MADD: variants seen among roughly 807,000 people sequenced by gnomAD.
MADD encodes the protein MAP kinase activating death domain.
A neutral mutation model predicts 176.7 loss-of-function variants in MADD; 109 were observed. The observed-to-expected ratio is 0.62, with a 90% CI of 0.53 to 0.72. MADD has a LOEUF of 0.72. MADD is among the 30% of genes least tolerant of loss of function. The pLI is 0.00. For missense variants in MADD, 1,914 were observed against 2,045.5 expected, an observed-to-expected ratio of 0.94 and a Z score of 1.24; for synonymous variants, 771 against 771.3, an observed-to-expected ratio of 1.00 and a Z score of 0.01.
chr11:47,285,537 C>T, exon 14 of MADD: 1 of 1,614,196 alleles, frequency 6.2e-7, no homozygotes, highest in Non-Finnish European at 8.5e-7. Flanking sequence ...TCTCCCAACT[C>T]CACCGTCTCC....
In MADD at chr11:47,324,573, A is replaced by G. The variant is rs556296118; in HGVS notation, c.4538A>G (p.Asn1513Ser). 1.4e-5 allele frequency: 22 copies of G among 1,610,258 alleles called. No homozygotes were observed. In the East Asian group the frequency reaches 2.2e-4, roughly 16 times the overall value. The change falls in exon 30 of 33, where the codon AAT becomes AGT. Residue 1513 changes from asparagine (N) to serine (S), a missense_variant. Asn to Ser is a conservative substitution (Grantham distance 46). Around this residue, in one of 2 missense-constraint regions of MADD, gnomAD observed 147 missense variants for 209.5 expected, o/e 0.70. Coordinates refer to ENST00000402192, the Ensembl canonical transcript of MADD. ...GGGATCAACCTCAAATTCATGCACA[A>G]TCAGGTAGGTGCGAGCGGCAGCACG...
In MADD at chr11:47,274,419, A is replaced by T. The variant is rs1018684924; in HGVS notation, c.63-144A>T. 2.0e-4 allele frequency: 140 copies of T among 713,952 alleles called. No individual in the cohort carries two copies. The East Asian group carries it at 3.4e-3, about 17-fold the overall frequency. The allele number at this position is 713,952 out of a possible 1,614,324, so 44.2% of individuals were successfully genotyped here. On this transcript the variant is annotated intron_variant, in intron 2 of 32. Coordinates refer to ENST00000402192, the Ensembl canonical transcript of MADD. ...ACTTAGGTTACCAGCTCCATGCGGC[A>T]GGCAGCACCCATATTTTCCAAGGTG...
exon 30 of MADD, chr11:47,324,531 T>C: frequency 6.2e-7 from 1 of 1,614,118 alleles, no homozygotes; most frequent in Non-Finnish European, 8.5e-7. Context: ...GGTGGCCTGC[T>C]GCAGGTGACC....
At chr11:47,269,915 GTGGGTCCCCCACTTGGCACGCGACGGCGC>G (rs1340040357), upstream of MADD, 10 of 152,212 alleles carry the variant, frequency 6.6e-5, no homozygotes, top group Non-Finnish European at 1.3e-4. Context: ...AGGTACTGCT[GTGGGTCCCCCACTTGGCACGCGACGGCGC>G]TGGGTCGGCC....
chr11:47,280,400 A>G (rs1414398234), intron 7 of MADD, among the ~76,000 whole-genome samples: 5 of 152,166 alleles, frequency 3.3e-5, no homozygotes, highest in Admixed American at 6.5e-5. Flanking sequence ...CACTGCTAAT[A>G]TAATATGATA....
chr11:47,278,469 G>T (rs1162477713), intron 6 of MADD, among the ~76,000 whole-genome samples, 191 bp downstream of exon 6: 1 of 152,192 alleles, frequency 6.6e-6, no homozygotes, highest in African/African-American at 2.4e-5. Context: ...CCCTTGGTTA[G>T]GTCTCAGAGA....
At chr11:47,322,821 C>T (rs2094723214) in intron 27 of MADD, among the ~76,000 whole-genome samples, 1 of 152,130 alleles carries the variant, frequency 6.6e-6, no homozygotes, top group African/African-American at 2.4e-5. Flanking sequence ...CATTTTTCTC[C>T]TTGGTTAAGT....
At chr11:47,297,698 G>A (rs1333065337) in intron 22 of MADD, among the ~76,000 whole-genome samples, 1 of 151,366 alleles carries the variant, frequency 6.6e-6, no homozygotes, top group Non-Finnish European at 1.5e-5. Context: ...TGCTCGCCTT[G>A]GCCTACCAAA....
exon 13 of MADD, chr11:47,285,069 A>C: frequency 6.2e-7 from 1 of 1,614,164 alleles, no homozygotes; most frequent in Non-Finnish European, 8.5e-7. Context: ...GAGAGGGGTC[A>C]GTGCGCCGGC....
chr11:47,290,939 G>A, intron 19 of MADD, 123 bp downstream of exon 20: 1 of 757,870 alleles, frequency 1.3e-6, no homozygotes, highest in Non-Finnish European at 2.1e-6. Flanking sequence ...GAGGGAAGGG[G>A]GCCTGTGTCC....
In MADD at chr11:47,274,882, T is replaced by C. The variant is rs763479544; in HGVS notation, c.382T>C (p.Ser128Pro). Reference sequence around the variant, plus strand: ...GGAAGGAACCCATGCCACCTGTGCCTCAGAAGAGGGTGGCACTGAGAGCTC... The same window carrying C: ...GGAAGGAACCCATGCCACCTGTGCCCCAGAAGAGGGTGGCACTGAGAGCTC... The change falls in exon 3 of 33, where the codon TCA becomes CCA. Residue 128 changes from serine (S) to proline (P), a missense_variant. Physicochemically the swap from Ser to Pro is moderately conservative, Grantham distance 74. Coordinates refer to ENST00000402192, the Ensembl canonical transcript of MADD. The C allele has an allele frequency of 3.2e-5, 51 of 1,614,032 alleles. No homozygotes were observed. Among genetic ancestry groups the C allele is most frequent in the Non-Finnish European group, 4.2e-5 (50 of 1,179,958 alleles).
chr11:47,279,079 G>A (rs765034578), exon 7 of MADD: 5 of 1,613,618 alleles, frequency 3.1e-6, no homozygotes, highest in South Asian at 1.1e-5. Flanking sequence ...ATTTAAAGCA[G>A]GTAGGTGAAG....
chr11:47,307,154 T>G (rs2083461028), intron 22 of MADD, among the ~76,000 whole-genome samples: 1 of 151,970 alleles, frequency 6.6e-6, no homozygotes, highest in Non-Finnish European at 1.5e-5. Flanking sequence ...GCTTAAGTGA[T>G]CCTCCTGTTT....
intron 22 of MADD, among the ~76,000 whole-genome samples, chr11:47,297,785 CTTTCTTTTTTT>C (rs1443703292): frequency 1.1e-4 from 13 of 116,710 alleles, no homozygotes; most frequent in African/African-American, 3.7e-4. Flanking sequence ...TTCTTTCTTT[CTTTCTTTTTTT>C]TTTTTTTTTT....
exon 21 of MADD, chr11:47,295,545 G>T: frequency 6.2e-7 from 1 of 1,614,042 alleles, no homozygotes; most frequent in Non-Finnish European, 8.5e-7. Context: ...GTTATGATCC[G>T]CAGCTCAAGT....
At chr11:47,280,780 T>TG (rs918194544) in intron 7 of MADD, among the ~76,000 whole-genome samples, 1 of 152,190 alleles carries the variant, frequency 6.6e-6, no homozygotes, top group Non-Finnish European at 1.5e-5. Context: ...TTGGCCAGGC[T>TG]GGTCTCAAAC....
chr11:47,294,552 C>T (rs1269022467), intron 20 of MADD, among the ~76,000 whole-genome samples: 1 of 150,912 alleles, frequency 6.6e-6, no homozygotes, highest in Non-Finnish European at 1.5e-5. Flanking sequence ...CACCTGTAAT[C>T]CCAGCTACTT....
intron 19 of MADD, among the ~76,000 whole-genome samples, chr11:47,292,915 G>C (rs185982886): frequency 2.0e-5 from 3 of 152,326 alleles, no homozygotes; most frequent in Admixed American, 6.5e-5. Flanking sequence ...TCCCACACCT[G>C]TTAGAAGGCC....
intron 22 of MADD, among the ~76,000 whole-genome samples, chr11:47,304,154 C>T (rs905151200): frequency 1.4e-4 from 21 of 151,862 alleles, no homozygotes; most frequent in African/African-American, 1.7e-4. Flanking sequence ...TGACTAATTT[C>T]GAATGACTTA....
Sources: gnomAD v4.1 joint callset for allele counts (sites outside exome capture counted in the v4.1 genomes callset) on GRCh38, gnomAD v4.1.1 for gene constraint, gnomAD v4.1.1 regional missense constraint, MANE v1.5 for transcripts, NCBI Gene and HGNC (gene_info 2026-07-23, HGNC 2026-07-21) for gene names.